Variants in SYCE2 observed in about 807,000 individuals in gnomAD.
The protein encoded by SYCE2 is synaptonemal complex central element protein 2.
In SYCE2, 3 loss-of-function variants were observed where a neutral mutation model predicts 27.9. That is an observed-to-expected ratio of 0.11 (90% CI 0.05 to 0.28). The LOEUF (loss-of-function observed/expected upper bound fraction) is 0.28. SYCE2 is among the 10% of genes least tolerant of loss of function. SYCE2 has a pLI of 1.00. For missense variants in SYCE2, 207 were observed against 263.5 expected, an observed-to-expected ratio of 0.79 and a Z score of 1.48; for synonymous variants, 85 against 100.7, an observed-to-expected ratio of 0.84 and a Z score of 0.93.
chr19:12,904,459 G>T (rs184912918), intron 3 of SYCE2, 33 bp downstream of exon 3: 3 of 1,613,282 alleles, frequency 1.9e-6, no homozygotes, highest in Admixed American at 1.7e-5. Flanking sequence ...TTTGCATAAG[G>T]AATCCCCCCT....
In SYCE2 at chr19:12,899,317, A is replaced by G; in HGVS notation, c.*24T>C. 1.2e-6 allele frequency: 2 copies of G among 1,601,126 alleles called. No individual in the cohort carries two copies. Among genetic ancestry groups the G allele is most frequent in the Non-Finnish European group, 1.7e-6 (2 of 1,168,132 alleles). On this transcript the variant is annotated 3_prime_UTR_variant, in exon 6 of 6. Coordinates refer to ENST00000293695, the MANE Select transcript of SYCE2 (RefSeq NM_001105578.2). ...CAGTCTTCTCCTGGAGACTGTCACTAAGGCGTGAGTCTCCCGGCAGCTGTC... is the reference window on the plus strand; with the variant it reads ...CAGTCTTCTCCTGGAGACTGTCACTGAGGCGTGAGTCTCCCGGCAGCTGTC...
At chr19:12,911,615 C>CTTTTTTTT (rs71168633) in intron 2 of SYCE2, among the ~76,000 whole-genome samples, 2 of 103,748 alleles carry the variant, frequency 1.9e-5, no homozygotes, top group Non-Finnish European at 1.8e-5. Flanking sequence ...TAATTTTTGC[C>CTTTTTTTT]TTTTTTTTTT....
Position 12,904,683 on chromosome 19 carries a change from A to C in SYCE2, c.132-17T>G. ...CAACTGGCACTGGAGGTGGCGACAC[A>C]AGGGCAAGAAACCTGACTTCTCAGA... is the stretch of plus-strand genomic sequence containing the variant. On this transcript the variant is annotated splice_polypyrimidine_tract_variant and intron_variant, in intron 2 of 5. Transcript: ENST00000293695. The C allele has an allele frequency of 6.2e-7, 1 of 1,612,452 alleles. No homozygotes were observed. Among genetic ancestry groups the C allele is most frequent in the Non-Finnish European group, 8.5e-7 (1 of 1,179,794 alleles).
At chr19:12,912,050 G>A (rs1415434978) in intron 2 of SYCE2, among the ~76,000 whole-genome samples, 1 of 151,622 alleles carries the variant, frequency 6.6e-6, no homozygotes, top group Admixed American at 6.6e-5. Context: ...CAATTCTCCT[G>A]CCTCAGCTTC....
chr19:12,917,691 G>GTTTTTTT (rs1473794095), intron 2 of SYCE2, among the ~76,000 whole-genome samples: 1 of 79,148 alleles, frequency 1.3e-5, no homozygotes, highest in East Asian at 4.2e-4. Context: ...CAGCGTTTCG[G>GTTTTTTT]TCTTTTTGCC....
chr19:12,918,603 G>T (rs1186673650), intron 1 of SYCE2, among the ~76,000 whole-genome samples: 3 of 152,146 alleles, frequency 2.0e-5, no homozygotes, highest in Non-Finnish European at 4.4e-5. Flanking sequence ...GAGGACCTGG[G>T]CTCCTAACTG....
chr19:12,903,158 C>G (rs1418128410), intron 3 of SYCE2, among the ~76,000 whole-genome samples: 1 of 149,102 alleles, frequency 6.7e-6, no homozygotes, highest in African/African-American at 2.5e-5. Flanking sequence ...GTGGCGGGAT[C>G]TCTGCTCACT....
At position 12,900,095 on chromosome 19, in the gene SYCE2, G is replaced by C; in HGVS notation, c.521C>G (p.Pro174Arg). 6.2e-7 allele frequency: 1 copy of C among 1,612,834 alleles called. No individual in the cohort carries two copies. The highest frequency in any genetic ancestry group is 8.5e-7 in the Non-Finnish European group (1 of 1,179,720). The change falls in exon 5 of 6, where the codon CCA becomes CGA. Residue 174 changes from proline to arginine, a missense_variant. Coordinates refer to ENST00000293695, the MANE Select transcript of SYCE2 (RefSeq NM_001105578.2). ...TGGGGACTTTCCCCTAGAGTGGTCT[G>C]GCCCCCATCTGAGTCTTAGGCTCTG... Reference protein sequence around the residue: ...PEQSLRLRWGPDHSRGKSPPR... With the variant: ...PEQSLRLRWGRDHSRGKSPPR...
Position 12,899,396 on chromosome 19 carries a change from A to G in SYCE2, c.613-11T>C. 2.5e-6 allele frequency: 4 copies of G among 1,614,136 alleles called. No individual in the cohort carries two copies. Among genetic ancestry groups the G allele is most frequent in the Non-Finnish European group, 3.4e-6 (4 of 1,180,006 alleles). ...TTCTGAAGCAGTGGCCTGGGGATACATGAAAATTGATTTTAAAGGGAAGTT... is the reference window on the plus strand; with the variant it reads ...TTCTGAAGCAGTGGCCTGGGGATACGTGAAAATTGATTTTAAAGGGAAGTT... On this transcript the variant is annotated splice_polypyrimidine_tract_variant and intron_variant, in intron 5 of 5. Transcript: ENST00000293695.
intron 2 of SYCE2, among the ~76,000 whole-genome samples, chr19:12,913,133 G>A (rs1971076981): frequency 6.6e-6 from 1 of 152,218 alleles, no homozygotes; most frequent in African/African-American, 2.4e-5. Context: ...GCCTGCGCCC[G>A]GATTGGGCAG....
intron 2 of SYCE2, among the ~76,000 whole-genome samples, chr19:12,910,722 G>A (rs1431519096): frequency 6.6e-6 from 1 of 151,392 alleles, no homozygotes; most frequent in Non-Finnish European, 1.5e-5. Context: ...CTGTCCCCCA[G>A]GCTGGAGTGC....
Position 12,899,403 on chromosome 19 carries a change from T to A in SYCE2, c.613-18A>T. 6 of 1,614,092 alleles carry A rather than the reference T, an allele frequency of 3.7e-6. No individual in the cohort carries two copies. Among genetic ancestry groups the A allele is most frequent in the Non-Finnish European group, 5.1e-6 (6 of 1,180,020 alleles). On this transcript the variant is annotated intron_variant, in intron 5 of 5. Transcript: ENST00000293695. ...GCAGTGGCCTGGGGATACATGAAAA[T>A]TGATTTTAAAGGGAAGTTGTGAGCT... is the stretch of plus-strand genomic sequence containing the variant.
At chr19:12,909,501 C>G (rs181316976) in intron 2 of SYCE2, among the ~76,000 whole-genome samples, 2 of 152,176 alleles carry the variant, frequency 1.3e-5, no homozygotes, top group African/African-American at 4.8e-5. Context: ...CAGCTTCTCT[C>G]TGTCCCTCTG....
Position 12,899,038 on chromosome 19 carries a change from CAG to C in SYCE2, c.*301_*302del, listed in dbSNP as rs952621636. On this transcript the variant is annotated 3_prime_UTR_variant, in exon 6 of 6. Coordinates refer to ENST00000293695, the MANE Select transcript of SYCE2 (RefSeq NM_001105578.2). Reference sequence around the variant, plus strand: ...GGGCTTGCTGTGTTTCCTTGGAGCTCAGGGGTGCTTTCAGCCTCTGTGGCAAG... The same window carrying C: ...GGGCTTGCTGTGTTTCCTTGGAGCTCGGGTGCTTTCAGCCTCTGTGGCAAG... The C allele has an allele frequency of 6.8e-6, 3 of 441,288 alleles. No homozygotes were observed. The highest frequency in any genetic ancestry group is 1.3e-5 in the Non-Finnish European group (3 of 238,666). The allele number at this position is 441,288 out of a possible 1,614,324, so 27.3% of individuals were successfully genotyped here.
At chr19:12,909,506 C>T (rs1971005185) in intron 2 of SYCE2, among the ~76,000 whole-genome samples, 1 of 152,128 alleles carries the variant, frequency 6.6e-6, no homozygotes, top group Admixed American at 6.6e-5. Flanking sequence ...TCTCTCTGTC[C>T]CTCTGCATCC....
chr19:12,899,984 G>T lies in SYCE2; in HGVS notation c.612+20C>A. Reference sequence around the variant, plus strand: ...TGCACATCTGACCCCAAGGTGTCAGGCCGGTTTACTGGTAACCACCTGAGA... The same window carrying T: ...TGCACATCTGACCCCAAGGTGTCAGTCCGGTTTACTGGTAACCACCTGAGA... On this transcript the variant is annotated intron_variant, in intron 5 of 5. Coordinates refer to ENST00000293695, the MANE Select transcript of SYCE2 (RefSeq NM_001105578.2). 1 of 1,612,886 alleles carries T rather than the reference G, an allele frequency of 6.2e-7. No individual in the cohort carries two copies. The highest frequency in any genetic ancestry group is 8.5e-7 in the Non-Finnish European group (1 of 1,179,958).
In SYCE2 at chr19:12,899,529, G is replaced by C. The variant is rs200081311; in HGVS notation, c.613-144C>G. 16 of 1,614,008 alleles carry C rather than the reference G, an allele frequency of 9.9e-6. No individual in the cohort carries two copies. The highest frequency in any genetic ancestry group is 6.7e-5 in the African/African-American group (5 of 74,916). On this transcript the variant is annotated intron_variant, in intron 5 of 5. Coordinates refer to ENST00000293695, the MANE Select transcript of SYCE2 (RefSeq NM_001105578.2). ...CTATCACGGGAATCCAGGCGTTCAC[G>C]GCCAGCAAGTGAGCCGCTCCATCAG...
chr19:12,903,038 A>C, intron 3 of SYCE2, among the ~76,000 whole-genome samples: 1 of 139,474 alleles, frequency 7.2e-6, no homozygotes, highest in Non-Finnish European at 1.6e-5. Context: ...ACTCTGTCTC[A>C]AAAAAAAAAA....
At chr19:12,915,870 C>T (rs1383952149) in intron 2 of SYCE2, among the ~76,000 whole-genome samples, 3 of 152,082 alleles carry the variant, frequency 2.0e-5, no homozygotes, top group Non-Finnish European at 4.4e-5. Flanking sequence ...ACACTTTCTG[C>T]TTCAACATCT....
Sources: gnomAD v4.1 joint callset for allele counts (sites outside exome capture counted in the v4.1 genomes callset) on GRCh38, gnomAD v4.1.1 for gene constraint, MANE v1.5 for transcripts, NCBI Gene and HGNC (gene_info 2026-07-23, HGNC 2026-07-21) for gene names.